The following EP300 variants were observed in gnomAD, a reference collection of about 807,000 sequenced individuals.
The protein encoded by EP300 is EP300 lysine acetyltransferase.
Under a neutral mutation model 264.0 loss-of-function variants are expected in EP300, and 31 were observed. The ratio of observed to expected loss-of-function variants is 0.12; its 90% CI spans 0.09 to 0.16. The LOEUF is 0.16. Ranked by LOEUF, EP300 falls within the 10% of genes least tolerant of loss-of-function variation. EP300 has a pLI of 1.00. For missense variants in EP300, 2,766 were observed against 3,052.9 expected, an observed-to-expected ratio of 0.91 and a Z score of 2.21; for synonymous variants, 1,340 against 1,045.4, an observed-to-expected ratio of 1.28 and a Z score of -5.44.
chr22:41,137,571 C>G (rs1435802953), intron 7 of EP300, 82 bp from the exon 8 acceptor site: 3 of 1,564,966 alleles, frequency 1.9e-6, no homozygotes, highest in African/African-American at 2.7e-5. Flanking sequence ...GATTCCATTA[C>G]AATAATCAGT....
chr22:41,149,311 A>G, intron 13 of EP300, 136 bp downstream of exon 13: 5 of 999,702 alleles, frequency 5.0e-6, no homozygotes, highest in Non-Finnish European at 7.7e-6. Context: ...TTTTGGACTT[A>G]GGGTATTCTG....
intron 27 of EP300, 130 bp from the exon 28 acceptor site, chr22:41,172,369 A>T: frequency 1.3e-6 from 1 of 781,004 alleles, no homozygotes; most frequent in Non-Finnish European, 2.1e-6. Flanking sequence ...CTTACGGCTT[A>T]GGTATAAAGT....
At chr22:41,144,295 T>C (rs1448972328) in intron 10 of EP300, among the ~76,000 whole-genome samples, 1 of 152,214 alleles carries the variant, frequency 6.6e-6, no homozygotes, top group Non-Finnish European at 1.5e-5. Context: ...TAAGGGCATA[T>C]ATATTGAAAT....
In EP300 at chr22:41,150,101, C is replaced by T. The variant is rs757344870; in HGVS notation, c.2720C>T (p.Ala907Val). The T allele has an allele frequency of 6.8e-6, 11 of 1,613,338 alleles. No individual in the cohort carries two copies. Among genetic ancestry groups the T allele is most frequent in the African/African-American group, 1.3e-5 (1 of 74,934 alleles). Residue 907 changes from alanine (A) to valine (V), a missense_variant, in exon 14 of 31, where the codon GCT becomes GTT. Transcript: ENST00000263253. The part of the protein sequence containing the change: ...VQPSLPAAPS[A>V]DQPQQQPRSQ... The stretch of plus-strand genomic sequence containing the variant: ...CCTTCACTTCCTGCTGCACCTTCTG[C>T]TGACCAGCCCCAGCAGCAGCCTCGC...
At chr22:41,112,913 T>A (rs934627137) in intron 1 of EP300, among the ~76,000 whole-genome samples, 1 of 152,154 alleles carries the variant, frequency 6.6e-6, no homozygotes, top group Non-Finnish European at 1.5e-5. Flanking sequence ...ACTAGTATAT[T>A]ATACTACCCT....
At chr22:41,103,565 C>T (rs2145679675) in intron 1 of EP300, among the ~76,000 whole-genome samples, 1 of 152,234 alleles carries the variant, frequency 6.6e-6, no homozygotes, top group East Asian at 1.9e-4. Flanking sequence ...TATATTTGAA[C>T]AGGGTTGGTG....
At chr22:41,170,376 C>T (rs370230190) in intron 26 of EP300, 30 bp from the exon 27 acceptor site, 2 of 1,603,908 alleles carry the variant, frequency 1.2e-6, no homozygotes, top group African/African-American at 1.3e-5. Context: ...TATCTCTTTT[C>T]CTTAATGTTC....
At chr22:41,103,943 G>C (rs550177136) in intron 1 of EP300, among the ~76,000 whole-genome samples, 7 of 140,380 alleles carry the variant, frequency 5.0e-5, no homozygotes, top group Non-Finnish European at 1.1e-4. Flanking sequence ...AATTAACAAA[G>C]TGAATTGTTT....
intron 1 of EP300, among the ~76,000 whole-genome samples, chr22:41,101,149 A>G (rs531943747): frequency 1.6e-4 from 24 of 152,148 alleles, no homozygotes; most frequent in Admixed American, 1.0e-3. Flanking sequence ...ATCCTGGCTC[A>G]CTGTAGCCTC....
At position 41,177,397 on chromosome 22, in the gene EP300, G is replaced by A. The variant is rs779633140; in HGVS notation, c.5686G>A (p.Val1896Met). Reference protein sequence around the residue: ...YLPRTQAAGPVSQGKAAGQVT... With the variant: ...YLPRTQAAGPMSQGKAAGQVT... ...GCCCAGGACTCAAGCTGCTGGCCCT[G>A]TGTCCCAGGGTAAGGCAGCAGGCCA... Residue 1896 changes from valine (V) to methionine (M), a missense_variant, in exon 31 of 31, where the codon GTG (valine) becomes ATG (methionine). Val to Met is a conservative substitution (Grantham distance 21, BLOSUM62 1). Transcript: ENST00000263253. 6.2e-7 allele frequency: 1 copy of A among 1,614,106 alleles called. No individual in the cohort carries two copies. The highest frequency in any genetic ancestry group is 8.5e-7 in the Non-Finnish European group (1 of 1,180,024).
chr22:41,172,398 C>A, intron 27 of EP300, 101 bp from the exon 28 acceptor site: 1 of 1,102,760 alleles, frequency 9.1e-7, no homozygotes. Context: ...GCTTTCAAGA[C>A]ATTTTAAGCT....
chr22:41,167,344 T>G (rs1248920287), intron 23 of EP300, among the ~76,000 whole-genome samples: 3 of 151,958 alleles, frequency 2.0e-5, no homozygotes, highest in Admixed American at 1.3e-4. Context: ...CTTATGTGAT[T>G]GTTTTCTACT....
In EP300 at chr22:41,177,632, G is replaced by C. The variant is rs2059209380; in HGVS notation, c.5921G>C (p.Arg1974Thr). Residue 1974 changes from arginine (R) to threonine (T), a missense_variant, in exon 31 of 31, where the codon AGA becomes ACA. Coordinates refer to ENST00000263253, the MANE Select transcript of EP300 (RefSeq NM_001429.4). ...PMGMNPPPMT[R>T]GPSGHLEPGM... is the part of the protein sequence containing the mutation. ...GGTATGAACCCACCTCCCATGACCAGAGGTCCCAGTGGGCATTTGGAGCCA... is the reference window on the plus strand; with the variant it reads ...GGTATGAACCCACCTCCCATGACCACAGGTCCCAGTGGGCATTTGGAGCCA... 1.2e-6 allele frequency: 2 copies of C among 1,614,008 alleles called. No individual in the cohort carries two copies. Among genetic ancestry groups the C allele is most frequent in the African/African-American group, 2.7e-5 (2 of 74,906 alleles).
chr22:41,130,012 T>C lies in EP300; in HGVS notation c.1282+9T>C. 1 of 1,597,020 alleles carries C rather than the reference T, an allele frequency of 6.3e-7. No homozygotes were observed. The highest frequency in any genetic ancestry group is 1.1e-5 in the South Asian group (1 of 90,756). ...TAAGAGAAATCAACAGCGTAAGTGA[T>C]GAAATCTTTTGAAGGTTTATATGAA... On this transcript the variant is annotated intron_variant, in intron 5 of 30. Transcript: ENST00000263253.
chr22:41,150,874 G>C (rs1375358902), intron 14 of EP300, among the ~76,000 whole-genome samples: 2 of 149,090 alleles, frequency 1.3e-5, no homozygotes, highest in African/African-American at 2.5e-5. Context: ...CTAGGCGACA[G>C]AGTGAAACTC....
chr22:41,160,991 A>C (rs761119318), intron 20 of EP300, among the ~76,000 whole-genome samples: 14 of 152,234 alleles, frequency 9.2e-5, no homozygotes, highest in Non-Finnish European at 2.1e-4. Context: ...TCTTTGAGAC[A>C]TCAATGAATT....
intron 1 of EP300, among the ~76,000 whole-genome samples, chr22:41,100,515 C>T (rs577833684): frequency 5.7e-4 from 87 of 152,094 alleles, no homozygotes; most frequent in Non-Finnish European, 1.0e-3. Flanking sequence ...CTGAGGGTTC[C>T]GTGTTTGTGG....
rs1042513122 is a variant in EP300 at position 41,162,627 on chromosome 22, C to A, written c.3672-96C>A. 9 of 935,458 alleles carry A rather than the reference C, an allele frequency of 9.6e-6. No individual in the cohort carries two copies. In the Admixed American group the frequency reaches 1.5e-4, roughly 16 times the overall value. 57.9% of individuals were successfully genotyped at this position (935,458 alleles called of 1,614,324 possible). A position where few individuals can be genotyped will look rare whatever the true frequency, so the allele number is the denominator to read the frequency against. ...ATGTGTATTCTTAAAAAACCTGAAT[C>A]TCTATATAGGGTGAAGTTTGTTCCT... On this transcript the variant is annotated intron_variant, in intron 20 of 30. Coordinates refer to ENST00000263253, the MANE Select transcript of EP300 (RefSeq NM_001429.4).
chr22:41,096,612 CTTTTTTTTTTTTT>C (rs749353769), intron 1 of EP300, among the ~76,000 whole-genome samples: 2 of 104,456 alleles, frequency 1.9e-5, no homozygotes, highest in African/African-American at 7.9e-5. Flanking sequence ...GTCAGCTCTA[CTTTTTTTTTTTTT>C]TTTTTTTTTT....
Sources: allele counts gnomAD v4.1 joint callset (sites outside exome capture counted in the v4.1 genomes callset), GRCh38; gene constraint gnomAD v4.1.1; transcripts MANE v1.5; gene names NCBI Gene and HGNC (gene_info 2026-07-23, HGNC 2026-07-21).